Variants in DOK6 observed in about 807,000 individuals in gnomAD.
The protein encoded by DOK6 is downstream of tyrosine kinase 6.
A neutral mutation model predicts 44.0 loss-of-function variants in DOK6; 22 were observed. The observed-to-expected ratio is 0.50, with a 90% confidence interval of 0.36 to 0.71. The LOEUF (loss-of-function observed/expected upper bound fraction) is 0.71. DOK6 is among the 30% of genes least tolerant of loss of function. DOK6 has a pLI of 0.00. For synonymous variants in DOK6, 166 were observed against 145.5 expected, an observed-to-expected ratio of 1.14 and a Z score of -1.01; for missense variants, 340 against 416.4, an observed-to-expected ratio of 0.82 and a Z score of 1.60.
intron 6 of DOK6, 116 bp from the exon 7 acceptor site, chr18:69,757,640 C>A (rs1599308824): frequency 2.6e-6 from 2 of 768,754 alleles, no homozygotes; most frequent in East Asian, 4.9e-5. Context: ...GGGGATCATG[C>A]AGGTATCTAT....
intron 6 of DOK6, among the ~76,000 whole-genome samples, chr18:69,756,428 TA>T (rs1403433693): frequency 6.6e-6 from 1 of 152,096 alleles, no homozygotes; most frequent in Non-Finnish European, 1.5e-5. Flanking sequence ...GAGCCATCTT[TA>T]AAAAAAGAAA....
intron 1 of DOK6, among the ~76,000 whole-genome samples, chr18:69,402,841 A>C (rs1217479717): frequency 6.6e-6 from 1 of 152,176 alleles, no homozygotes; most frequent in African/African-American, 2.4e-5. Flanking sequence ...CTTGGGTAGA[A>C]GAAAGCGCCT....
chr18:69,763,783 G>A (rs1979635021), intron 7 of DOK6, among the ~76,000 whole-genome samples: 1 of 152,148 alleles, frequency 6.6e-6, no homozygotes. Flanking sequence ...TTGTGAAGAT[G>A]ACAAAAGCAT....
chr18:69,407,666 G>A (rs1014715415), intron 1 of DOK6, among the ~76,000 whole-genome samples: 1 of 152,172 alleles, frequency 6.6e-6, no homozygotes, highest in Middle Eastern at 3.2e-3. Flanking sequence ...GTCAGTCAAA[G>A]TGGATAGAAT....
intron 1 of DOK6, among the ~76,000 whole-genome samples, chr18:69,504,061 A>C (rs1981119088): frequency 6.6e-6 from 1 of 152,076 alleles, no homozygotes; most frequent in African/African-American, 2.4e-5. Context: ...ATAATACTGT[A>C]GGTTTCCATG....
intron 6 of DOK6, among the ~76,000 whole-genome samples, chr18:69,752,515 T>C (rs1979217214): frequency 6.6e-6 from 1 of 152,178 alleles, no homozygotes; most frequent in Admixed American, 6.5e-5. Flanking sequence ...GTGAATACAT[T>C]TGGGGCATAG....
At chr18:69,700,617 C>T (rs1284729568) in intron 5 of DOK6, among the ~76,000 whole-genome samples, 2 of 152,086 alleles carry the variant, frequency 1.3e-5, no homozygotes, top group Non-Finnish European at 2.9e-5. Context: ...TTGTGTGTTT[C>T]TCCTTCTCTG....
chr18:69,621,310 C>A (rs553873266), intron 3 of DOK6, among the ~76,000 whole-genome samples: 1 of 152,156 alleles, frequency 6.6e-6, no homozygotes, highest in Non-Finnish European at 1.5e-5. Flanking sequence ...TTGTTACTGA[C>A]TGAGACTCAG....
chr18:69,415,539 A>T (rs1381832038), intron 1 of DOK6, among the ~76,000 whole-genome samples: 1 of 152,120 alleles, frequency 6.6e-6, no homozygotes, highest in Non-Finnish European at 1.5e-5. Flanking sequence ...TATCTTAAAG[A>T]TAGGCACCAG....
At position 69,799,787 on chromosome 18, in the gene DOK6, C is replaced by A. The variant is rs375064608; in HGVS notation, c.857-41457C>A. On this transcript the variant is annotated intron_variant, in intron 7 of 7. Coordinates refer to ENST00000382713, the MANE Select transcript of DOK6 (RefSeq NM_152721.6). ...CTGAGAATCAATCAGTTTTAGGGTG[C>A]CCTCAGTGACCGAGGCATTTTATTA... is the stretch of plus-strand genomic sequence containing the variant. Among the ~76,000 whole-genome samples, 14 of 152,020 alleles carry A rather than the reference C, an allele frequency of 9.2e-5. No individual in the cohort carries two copies. In the East Asian group the frequency reaches 9.7e-4, roughly 10 times the overall value.
At chr18:69,719,479 C>T (rs1986958402) in intron 5 of DOK6, among the ~76,000 whole-genome samples, 1 of 152,134 alleles carries the variant, frequency 6.6e-6, no homozygotes, top group Non-Finnish European at 1.5e-5. Context: ...ATCTTGTGAC[C>T]TTTGGCTACA....
At chr18:69,539,545 C>A (rs190757370) in intron 1 of DOK6, among the ~76,000 whole-genome samples, 157 of 150,836 alleles carry the variant, frequency 1.0e-3, no homozygotes, top group Non-Finnish European at 1.7e-3. Flanking sequence ...CACAGGGACT[C>A]CAGGATATAC....
chr18:69,742,583 G>A (rs1338557314), intron 6 of DOK6, among the ~76,000 whole-genome samples: 1 of 152,116 alleles, frequency 6.6e-6, no homozygotes, highest in Non-Finnish European at 1.5e-5. Flanking sequence ...AATATTAACT[G>A]ACAACATATT....
intron 3 of DOK6, among the ~76,000 whole-genome samples, chr18:69,666,636 T>C (rs1985666734): frequency 6.6e-6 from 1 of 152,174 alleles, no homozygotes; most frequent in Non-Finnish European, 1.5e-5. Context: ...GGCCTATTTA[T>C]GGTGTTTTCC....
intron 3 of DOK6, among the ~76,000 whole-genome samples, chr18:69,666,816 C>T (rs1985670766): frequency 6.6e-6 from 1 of 152,160 alleles, no homozygotes; most frequent in South Asian, 2.1e-4. Flanking sequence ...CAAAAGTTGC[C>T]TGCAGGCTGC....
chr18:69,719,921 C>T (rs893139212), intron 5 of DOK6, among the ~76,000 whole-genome samples: 2 of 152,142 alleles, frequency 1.3e-5, no homozygotes, highest in Non-Finnish European at 2.9e-5. Context: ...ACACAACAGG[C>T]ATTGAAATCA....
chr18:69,431,579 G>C (rs542263843), intron 1 of DOK6, among the ~76,000 whole-genome samples: 8 of 152,272 alleles, frequency 5.3e-5, no homozygotes, highest in African/African-American at 1.4e-4. Context: ...TGTTAACTTT[G>C]CATCGGGCGC....
chr18:69,419,775 C>T (rs906398819), intron 1 of DOK6, among the ~76,000 whole-genome samples: 6 of 152,266 alleles, frequency 3.9e-5, no homozygotes, highest in Middle Eastern at 3.4e-3. Flanking sequence ...ATGTGAGACC[C>T]TTTCTGGCAC....
intron 5 of DOK6, among the ~76,000 whole-genome samples, chr18:69,737,588 C>A (rs1372812271): frequency 6.6e-6 from 1 of 152,190 alleles, no homozygotes; most frequent in African/African-American, 2.4e-5. Context: ...TGACCTTCAT[C>A]TAGGCTTAGG....
Sources: gnomAD v4.1 joint callset for allele counts (sites outside exome capture counted in the v4.1 genomes callset) on GRCh38, gnomAD v4.1.1 for gene constraint, MANE v1.5 for transcripts, NCBI Gene and HGNC (gene_info 2026-07-23, HGNC 2026-07-21) for gene names.